The following SERPINA3 variants were observed in gnomAD, a reference collection of about 807,000 sequenced individuals.
SERPINA3 encodes the protein alpha-1-antichymotrypsin.
Under a neutral mutation model 26.8 loss-of-function variants are expected in SERPINA3, and 32 were observed. The observed-to-expected ratio is 1.20, with a 90% CI of 0.90 to 1.61. SERPINA3 has a LOEUF of 1.61. SERPINA3 is among the 40% of genes most tolerant of loss of function. The pLI, the probability that SERPINA3 is intolerant of heterozygous loss-of-function variation, is 0.00. For missense variants in SERPINA3, 632 were observed against 517.9 expected, an observed-to-expected ratio of 1.22 and a Z score of -2.14; for synonymous variants, 252 against 206.4, an observed-to-expected ratio of 1.22 and a Z score of -1.89.
intron 3 of SERPINA3, among the ~76,000 whole-genome samples, chr14:94,621,973 G>A (rs1886217139): frequency 6.6e-6 from 1 of 152,178 alleles, no homozygotes; most frequent in Non-Finnish European, 1.5e-5. Flanking sequence ...CCCCCGTGAA[G>A]CAGGCTGCCA....
chr14:94,622,632 C>A, intron 4 of SERPINA3, 141 bp downstream of exon 4: 1 of 940,080 alleles, frequency 1.1e-6, no homozygotes. Flanking sequence ...TGGGACACCC[C>A]CAAGCCAAGA....
intron 2 of SERPINA3, 126 bp downstream of exon 2, chr14:94,615,210 G>A: frequency 1.9e-6 from 2 of 1,064,856 alleles, no homozygotes; most frequent in Non-Finnish European, 1.4e-6. Context: ...GGCAGCATAA[G>A]CATCAAGGCC....
chr14:94,618,019 C>T (rs1013799694), intron 2 of SERPINA3: 6 of 152,212 alleles, frequency 3.9e-5, no homozygotes, highest in African/African-American at 1.2e-4. Context: ...AGTTTCCTGA[C>T]CCCTGTTCTA....
rs191819933 is a variant in SERPINA3, at chr14:94,616,645, G to C, written c.643+1561G>C. Among the ~76,000 whole-genome samples, 189 of 152,280 alleles carry C rather than the reference G, an allele frequency of 1.2e-3. 2 individuals carry two copies. Among genetic ancestry groups the C allele is most frequent in the Admixed American group, 9.1e-3 (139 of 15,294 alleles). On this transcript the variant is annotated intron_variant, in intron 2 of 4. Transcript: ENST00000393078. ...AACTATGTATTCAGCTGAAAGTAAGGGGGTGGGGGCATCCAACCAGGGGCA... is the reference window on the plus strand; with the variant it reads ...AACTATGTATTCAGCTGAAAGTAAGCGGGTGGGGGCATCCAACCAGGGGCA...
chr14:94,618,857 C>T (rs1886091439), intron 2 of SERPINA3: 1 of 449,048 alleles, frequency 2.2e-6, no homozygotes, highest in Non-Finnish European at 4.1e-6. Context: ...AAGGCTGTCC[C>T]ATTTCTCCTC....
intron 4 of SERPINA3, chr14:94,622,831 T>C (rs1473223254): frequency 5.2e-6 from 2 of 385,156 alleles, no homozygotes; most frequent in Non-Finnish European, 9.9e-6. Context: ...GTGATAGTTC[T>C]TGGCTAGTAT....
intron 2 of SERPINA3, chr14:94,617,982 C>T (rs1886062864): frequency 6.6e-6 from 1 of 152,094 alleles, no homozygotes; most frequent in South Asian, 2.1e-4. Flanking sequence ...CAAAAATAAG[C>T]TATGGCTGTA....
chr14:94,614,277 TGTGTCGG>T, intron 1 of SERPINA3, 150 bp from the exon 2 acceptor site: 1 of 671,746 alleles, frequency 1.5e-6, no homozygotes, highest in Non-Finnish European at 2.6e-6. Context: ...CAGAGTGATG[TGTGTCGG>T]GTGCCCCAGA....
chr14:94,619,687 C>A, intron 3 of SERPINA3: 1 of 601,758 alleles, frequency 1.7e-6, no homozygotes, highest in Non-Finnish European at 3.0e-6. Flanking sequence ...CTTCCTCTGA[C>A]TCCAGCATGT....
intron 2 of SERPINA3, chr14:94,617,590 A>G (rs1203815967): frequency 2.0e-5 from 3 of 152,236 alleles, no homozygotes; most frequent in African/African-American, 7.2e-5. Flanking sequence ...TGGTATTGCC[A>G]TTTGTTAGGT....
At position 94,619,216 on chromosome 14, in the gene SERPINA3, A is replaced by G. The variant is rs1349849036; in HGVS notation, c.665A>G (p.Asp222Gly). 5 of 1,613,234 alleles carry G rather than the reference A, an allele frequency of 3.1e-6. No homozygotes were observed. The Admixed American group carries it at 6.7e-5, about 22-fold the overall frequency. ...FFKAKWEMPFDPQDTHQSRFY... is the reference protein window; with the variant it reads ...FFKAKWEMPFGPQDTHQSRFY... Reference sequence around the variant, plus strand: ...TCAGCCAAATGGGAGATGCCCTTTGACCCCCAAGATACTCATCAGTCAAGG... The same window carrying G: ...TCAGCCAAATGGGAGATGCCCTTTGGCCCCCAAGATACTCATCAGTCAAGG... The change falls in exon 3 of 5, where the codon GAC (aspartate) becomes GGC (glycine). Residue 222 changes from aspartate to glycine, a missense_variant. Transcript: ENST00000393078.
In SERPINA3 at chr14:94,614,851, TG is replaced by T; in HGVS notation, c.413del (p.Gly138GlufsTer47). On this transcript the variant is annotated frameshift_variant, in exon 2 of 5. Transcript: ENST00000393078. LOFTEE classifies it high-confidence loss of function. The stretch of plus-strand genomic sequence containing the variant: ...TCCAGCGATGAGCTGCAGCTGAGTA[TG>T]GGAAATGCCATGTTTGTCAAAGAGC... ...NQSSDELQLS[M>X]GNAMFVKEQL... The T allele has an allele frequency of 1.2e-6, 2 of 1,614,194 alleles. No individual in the cohort carries two copies. Among genetic ancestry groups the T allele is most frequent in the Non-Finnish European group, 1.7e-6 (2 of 1,180,034 alleles).
At chr14:94,615,131 A>T (rs767300710) in intron 2 of SERPINA3, 47 bp downstream of exon 2, 2 of 1,595,872 alleles carry the variant, frequency 1.3e-6, no homozygotes, top group Non-Finnish European at 8.6e-7. Flanking sequence ...TCTCAGGGCC[A>T]TTTCTGTCCT....
At chr14:94,613,328 T>C (rs796602894) in intron 1 of SERPINA3, 5 of 152,102 alleles carry the variant, frequency 3.3e-5, no homozygotes, top group African/African-American at 1.2e-4. Context: ...AGCTGCCCCT[T>C]TTCTCTTCTG....
chr14:94,623,456 G>T (rs1886279759), intron 4 of SERPINA3, 155 bp from the exon 5 acceptor site: 2 of 733,950 alleles, frequency 2.7e-6, no homozygotes. Flanking sequence ...AAAACTAGTT[G>T]GCAGGGGAGT....
Position 94,622,477 on chromosome 14 carries a change from CTAGCAGTCTCCCAGGTGAGTCT to C in SERPINA3, c.1056_1068+9del, listed in dbSNP as rs1886240501. 1 of 1,614,126 alleles carries C rather than the reference CTAGCAGTCTCCCAGGTGAGTCT, an allele frequency of 6.2e-7. No homozygotes were observed. Among genetic ancestry groups the C allele is most frequent in the Non-Finnish European group, 8.5e-7 (1 of 1,180,010 alleles). On this transcript the variant is annotated splice_donor_variant and splice_donor_5th_base_variant and coding_sequence_variant and intron_variant, in exon 4 of 5. Coordinates refer to ENST00000393078, the MANE Select transcript of SERPINA3 (RefSeq NM_001085.5). LOFTEE classifies it high-confidence loss of function. ...GTCAGGGATCACAGGGGCCAGGAAC[CTAGCAGTCTCCCAGGTGAGTCT>C]TTAGACTTGGGTCAATTCATCCTTT...
intron 1 of SERPINA3, 23 bp from the exon 2 acceptor site, chr14:94,614,411 C>T: frequency 6.2e-7 from 1 of 1,609,034 alleles, no homozygotes; most frequent in Non-Finnish European, 8.5e-7. Context: ...CCCTCTGAGA[C>T]TTAAAGGAGC....
rs1885917314 is a variant in SERPINA3 at position 94,614,661 on chromosome 14, A to T, written c.220A>T (p.Ile74Phe). ...LVLKAPDKNV[I>F]FSPLSISTAL... ...CCTGAAGGCCCCTGATAAGAATGTC[A>T]TCTTCTCCCCACTGAGCATCTCCAC... Residue 74 changes from isoleucine (I) to phenylalanine (F), a missense_variant, in exon 2 of 5, where the codon ATC becomes TTC. Physicochemically the swap from Ile to Phe is conservative, Grantham distance 21. Coordinates refer to ENST00000393078, the MANE Select transcript of SERPINA3 (RefSeq NM_001085.5). The T allele has an allele frequency of 1.2e-6, 2 of 1,613,888 alleles. No individual in the cohort carries two copies. The highest frequency in any genetic ancestry group is 2.2e-5 in the South Asian group (2 of 91,062).
In SERPINA3 at chr14:94,612,398, C is replaced by T; in HGVS notation, c.-58C>T. ...CAGCATTCATGAAAATCCACTACTC[C>T]AGACAGACGGCTTTGGAATCCACCA... is the stretch of plus-strand genomic sequence containing the variant. On this transcript the variant is annotated 5_prime_UTR_variant, in exon 1 of 5. Transcript: ENST00000393078. The T allele has an allele frequency of 2.2e-6, 3 of 1,365,866 alleles. No individual in the cohort carries two copies. The highest frequency in any genetic ancestry group is 2.0e-6 in the Non-Finnish European group (2 of 1,021,452). The allele number at this position is 1,365,866 out of a possible 1,614,324, so 84.6% of individuals were successfully genotyped here.
Sources: gnomAD v4.1 joint callset for allele counts (sites outside exome capture counted in the v4.1 genomes callset) on GRCh38, gnomAD v4.1.1 for gene constraint, MANE v1.5 for transcripts, NCBI Gene and HGNC (gene_info 2026-07-23, HGNC 2026-07-21) for gene names.